SHISA6: variants seen among roughly 807,000 people sequenced by gnomAD.
The protein encoded by SHISA6 is protein shisa-6.
In SHISA6, 22 loss-of-function variants were observed where a neutral mutation model predicts 47.9. The ratio of observed to expected loss-of-function variants is 0.46; its 90% CI spans 0.33 to 0.66. The LOEUF (loss-of-function observed/expected upper bound fraction) is 0.66, where lower values mean the gene tolerates loss of function less well. Ranked by LOEUF, SHISA6 falls within the 30% of genes least tolerant of loss-of-function variation. The pLI is 0.02. For synonymous variants in SHISA6, 388 were observed against 337.8 expected, an observed-to-expected ratio of 1.15 and a Z score of -1.63; for missense variants, 680 against 764.6, an observed-to-expected ratio of 0.89 and a Z score of 1.30.
chr17:11,378,306 T>C (rs1912882185), intron 2 of SHISA6, among the ~76,000 whole-genome samples: 1 of 152,052 alleles, frequency 6.6e-6, no homozygotes, highest in East Asian at 1.9e-4. Flanking sequence ...GTCTTTGATA[T>C]GTTTGTGTGC....
At chr17:11,350,182 A>ATTTATTTTTTTTAT (rs964679787) in intron 2 of SHISA6, among the ~76,000 whole-genome samples, 1 of 116,240 alleles carries the variant, frequency 8.6e-6, no homozygotes, top group Non-Finnish European at 1.7e-5. Context: ...TTATTTATTT[A>ATTTATTTTTTTTAT]TTTTTTTTTT....
intron 2 of SHISA6, among the ~76,000 whole-genome samples, chr17:11,306,167 C>T (rs969662268): frequency 6.6e-6 from 1 of 152,104 alleles, no homozygotes; most frequent in African/African-American, 2.4e-5. Context: ...TTGATCTTAC[C>T]TAGGTCTGAG....
At chr17:11,437,307 G>T (rs552954085) in intron 3 of SHISA6, among the ~76,000 whole-genome samples, 1 of 152,282 alleles carries the variant, frequency 6.6e-6, no homozygotes, top group African/African-American at 2.4e-5. Flanking sequence ...TGAGGACTGA[G>T]AGGACTCCCA....
At chr17:11,260,812 T>G (rs1010538826) in intron 1 of SHISA6, among the ~76,000 whole-genome samples, 2 of 152,014 alleles carry the variant, frequency 1.3e-5, no homozygotes, top group African/African-American at 4.8e-5. Flanking sequence ...TCTCTTTCTC[T>G]CTGGACCTCT....
chr17:11,265,294 C>T (rs9913134), intron 2 of SHISA6, among the ~76,000 whole-genome samples: 5,032 of 51,122 alleles, frequency 0.098, 272 homozygotes, highest in African/African-American at 0.24. Context: ...TGAGTGAAGA[C>T]ACTGAAAACC....
chr17:11,325,696 TAA>T (rs34638021), intron 2 of SHISA6, among the ~76,000 whole-genome samples: 35 of 145,286 alleles, frequency 2.4e-4, no homozygotes, highest in African/African-American at 4.6e-4. Flanking sequence ...GTGCCATGTT[TAA>T]AAAAAAAAAA....
In SHISA6 at chr17:11,299,225, C is replaced by T. The variant is rs190465763; in HGVS notation, c.799+35699C>T. Among the ~76,000 whole-genome samples, 6 of 152,284 alleles carry T rather than the reference C, an allele frequency of 3.9e-5. No homozygotes were observed. The East Asian group carries it at 1.2e-3, about 29-fold the overall frequency. The stretch of plus-strand genomic sequence containing the variant: ...TAATGTTCTCCCCCATAAAATAAAG[C>T]AGTTGGATCGGAATAATCATAGCTA... On this transcript the variant is annotated intron_variant, in intron 2 of 5. Transcript: ENST00000441885.
chr17:11,249,455 A>G (rs2142135459), intron 1 of SHISA6, among the ~76,000 whole-genome samples: 1 of 152,254 alleles, frequency 6.6e-6, no homozygotes, highest in South Asian at 2.1e-4. Flanking sequence ...CTGGGCCCAG[A>G]TACTGCAGGC....
chr17:11,518,553 C>A (rs1012245893), intron 3 of SHISA6, among the ~76,000 whole-genome samples: 9 of 152,154 alleles, frequency 5.9e-5, no homozygotes, highest in African/African-American at 2.2e-4. Context: ...GATTCCAAAT[C>A]TCAGATTGGG....
intron 3 of SHISA6, among the ~76,000 whole-genome samples, chr17:11,526,192 T>C (rs2071680275): frequency 6.6e-6 from 1 of 152,074 alleles, no homozygotes; most frequent in Non-Finnish European, 1.5e-5. Flanking sequence ...ATATTCCTTT[T>C]CTAAAGTTCT....
chr17:11,551,241 T>C (rs1441051670), intron 3 of SHISA6, among the ~76,000 whole-genome samples: 2 of 152,252 alleles, frequency 1.3e-5, no homozygotes, highest in African/African-American at 4.8e-5. Context: ...TTGGCAACTG[T>C]AACTGTGTTA....
intron 3 of SHISA6, 76 bp from the exon 4 acceptor site, chr17:11,551,820 G>A (rs1421179005): frequency 2.4e-6 from 3 of 1,273,026 alleles, no homozygotes; most frequent in African/African-American, 1.5e-5. Flanking sequence ...TAGAGGTAAA[G>A]AGAGATGCTG....
intron 3 of SHISA6, among the ~76,000 whole-genome samples, chr17:11,476,117 G>T (rs764978275): frequency 3.9e-5 from 6 of 151,990 alleles, no homozygotes; most frequent in Non-Finnish European, 7.4e-5. Context: ...ACATTCGTGG[G>T]ATCTGTAGTG....
rs547481508 is a variant in SHISA6, at chr17:11,539,630, C to A, written c.896-12266C>A. ...GGGTGCATGTGCTGCTTCTAGGAGA[C>A]CTGCTAACTGCTGCTGGTGGTCCAC... is the stretch of plus-strand genomic sequence containing the variant. On this transcript the variant is annotated intron_variant, in intron 3 of 5. Coordinates refer to ENST00000441885, the MANE Select transcript of SHISA6 (RefSeq NM_207386.4). Among the ~76,000 whole-genome samples the A allele has an allele frequency of 4.6e-5, 7 of 152,342 alleles. No homozygotes were observed. The South Asian group carries it at 1.2e-3, about 27-fold the overall frequency.
chr17:11,334,717 G>A (rs750362880), intron 2 of SHISA6, among the ~76,000 whole-genome samples: 8 of 152,178 alleles, frequency 5.3e-5, no homozygotes, highest in Admixed American at 1.3e-4. Context: ...CCCTGCCTTC[G>A]GATCAGAAAG....
At chr17:11,267,928 C>T (rs1026385992) in intron 2 of SHISA6, among the ~76,000 whole-genome samples, 3 of 152,212 alleles carry the variant, frequency 2.0e-5, no homozygotes, top group South Asian at 2.1e-4. Flanking sequence ...CCGTACCTAG[C>T]GTTGCAGTTC....
intron 1 of SHISA6, among the ~76,000 whole-genome samples, chr17:11,243,842 T>A (rs1907472753): frequency 6.6e-6 from 1 of 152,182 alleles, no homozygotes; most frequent in African/African-American, 2.4e-5. Flanking sequence ...TTCCTACACA[T>A]CTTTCTTTAA....
At chr17:11,422,452 C>T (rs1189562780) in intron 3 of SHISA6, among the ~76,000 whole-genome samples, 3 of 152,186 alleles carry the variant, frequency 2.0e-5, no homozygotes, top group Non-Finnish European at 4.4e-5. Flanking sequence ...TCCCCCTGTA[C>T]CTACAAGAGT....
chr17:11,558,579 C>A lies in SHISA6; in HGVS notation c.*275C>A. The A allele has an allele frequency of 2.0e-6, 1 of 488,848 alleles. No individual in the cohort carries two copies. The highest frequency in any genetic ancestry group is 3.7e-6 in the Non-Finnish European group (1 of 272,434). The allele number at this position is 488,848 out of a possible 1,614,324, so 30.3% of individuals were successfully genotyped here. A position where few individuals can be genotyped will look rare whatever the true frequency, so the allele number is the denominator to read the frequency against. On this transcript the variant is annotated 3_prime_UTR_variant, in exon 6 of 6. Transcript: ENST00000441885. Reference sequence around the variant, plus strand: ...GAGGGGGCTAGGCCCCATTCTCACCCCCGACCACCTTCACCAACTCCCTTT... The same window carrying A: ...GAGGGGGCTAGGCCCCATTCTCACCACCGACCACCTTCACCAACTCCCTTT...
Sources: gnomAD v4.1 joint callset for allele counts (sites outside exome capture counted in the v4.1 genomes callset) on GRCh38, gnomAD v4.1.1 for gene constraint, MANE v1.5 for transcripts, NCBI Gene and HGNC (gene_info 2026-07-23, HGNC 2026-07-21) for gene names.